The following CXADR variants were observed in gnomAD, a reference collection of about 807,000 sequenced individuals.
CXADR encodes the protein coxsackievirus and adenovirus receptor.
In CXADR, 20 loss-of-function variants were observed where a neutral mutation model predicts 40.3. That is an observed-to-expected ratio of 0.50 (90% CI 0.35 to 0.72). CXADR has a LOEUF of 0.72. Ranked by LOEUF, CXADR falls within the 30% of genes least tolerant of loss-of-function variation. The probability of loss-of-function intolerance (pLI) is 0.01; values close to 1 mark genes in which losing one functional copy is unlikely to be tolerated. For missense variants in CXADR, 332 were observed against 449.1 expected, an observed-to-expected ratio of 0.74 and a Z score of 2.36; for synonymous variants, 150 against 161.3, an observed-to-expected ratio of 0.93 and a Z score of 0.53.
the CXADR span, among the ~76,000 whole-genome samples, chr21:17,629,828 CAAAT>C: frequency 0.49 from 73,360 of 150,866 alleles, 18,906 homozygotes; most frequent in African/African-American, 0.66. Flanking sequence ...AACAAATAAG[CAAAT>C]AAATAAATAA....
At chr21:17,614,019 T>A in the CXADR span, 1 of 152,038 alleles carries the variant, frequency 6.6e-6, no homozygotes, top group East Asian at 1.9e-4. Flanking sequence ...ATCTTTGTTA[T>A]AGCCAATTAG....
the CXADR span, among the ~76,000 whole-genome samples, chr21:17,626,110 G>A: frequency 1.5e-4 from 23 of 152,050 alleles, no homozygotes; most frequent in Non-Finnish European, 2.5e-4. Flanking sequence ...CAGTCTTTTC[G>A]GTTTCCTATG....
the CXADR span, among the ~76,000 whole-genome samples, chr21:17,630,026 G>A: frequency 6.6e-6 from 1 of 152,166 alleles, no homozygotes; most frequent in Non-Finnish European, 1.5e-5. Flanking sequence ...CCAGGTGGGA[G>A]GTAAATGGGC....
rs1297196071 is a variant in CXADR at position 17,567,830 on chromosome 21, A to G, written c.*2138A>G. ...CCTATTGATCTAAGTAGAAGTTATC[A>G]TAGAAAGTGGACACGTATAAGACTT... is the stretch of plus-strand genomic sequence containing the variant. On this transcript the variant is annotated 3_prime_UTR_variant, in exon 7 of 7. Transcript: ENST00000284878. 1 of 962,300 alleles carries G rather than the reference A, an allele frequency of 1.0e-6. No individual in the cohort carries two copies. The highest frequency in any genetic ancestry group is 1.8e-5 in the African/African-American group (1 of 56,888). 59.6% of individuals were successfully genotyped at this position (962,300 alleles called of 1,614,324 possible).
chr21:17,620,927 C>T, the CXADR span, among the ~76,000 whole-genome samples: 1 of 152,168 alleles, frequency 6.6e-6, no homozygotes, highest in Non-Finnish European at 1.5e-5. Flanking sequence ...GTAACTCAGG[C>T]AAGAGTTGAA....
chr21:17,573,366 G>T (rs993764501), downstream of CXADR, among the ~76,000 whole-genome samples: 2 of 152,184 alleles, frequency 1.3e-5, no homozygotes, highest in Non-Finnish European at 2.9e-5. Flanking sequence ...ACCCGTAACA[G>T]TAATGATGAC....
chr21:17,595,582 A>C (rs1292353038), downstream of CXADR, among the ~76,000 whole-genome samples: 2 of 152,052 alleles, frequency 1.3e-5, no homozygotes, highest in Non-Finnish European at 2.9e-5. Context: ...ATATCAATAC[A>C]TAAAGATCCT....
intron 1 of CXADR, among the ~76,000 whole-genome samples, chr21:17,516,399 A>G (rs2060462466): frequency 1.3e-5 from 2 of 152,226 alleles, no homozygotes. Flanking sequence ...TTTTATTATT[A>G]GCTCTTTAAT....
rs1180346420 is a variant in CXADR, at chr21:17,560,761, A to C, written c.631A>C (p.Ser211Arg). The C allele has an allele frequency of 1.2e-6, 2 of 1,613,894 alleles. No individual in the cohort carries two copies. The highest frequency in any genetic ancestry group is 1.3e-5 in the African/African-American group (1 of 74,938). ...NASSEYSGTYSCTVRNRVGSD... is the reference protein window; with the variant it reads ...NASSEYSGTYRCTVRNRVGSD... ...CTCTTCTGAGTACTCTGGGACATAC[A>C]GCTGTACAGTCAGAAACAGAGTGGG... The change falls in exon 5 of 7, where the codon AGC becomes CGC. Residue 211 changes from serine (S) to arginine (R), a missense_variant. Coordinates refer to ENST00000284878, the MANE Select transcript of CXADR (RefSeq NM_001338.5).
rs35020228 is a variant in CXADR at position 17,563,940 on chromosome 21, CAAAAA to C, written c.834-1471_834-1467del. ...TGGGCAACAGAGCAAGACTCTGTCT[CAAAAA>C]AAAAAAAAAAAAAAAAGGTATTGAT... is the stretch of plus-strand genomic sequence containing the variant. On this transcript the variant is annotated intron_variant, in intron 6 of 6. Transcript: ENST00000284878. 3.2e-4 allele frequency among the ~76,000 whole-genome samples: 12 copies of C among 37,202 alleles called. 1 individual carries two copies. In the South Asian group the frequency reaches 4.0e-3, roughly 12 times the overall value. 24.4% of individuals were successfully genotyped at this position (37,202 alleles called of 152,430 possible). A position where few individuals can be genotyped will look rare whatever the true frequency, so the allele number is the denominator to read the frequency against.
At position 17,557,155 on chromosome 21, in the gene CXADR, G is replaced by A. The variant is rs563436138; in HGVS notation, c.416-1821G>A. ...AACTAAAAAAGAAAAAAGTCTTGACGTTTATCAGCCGGAAGGACAGATACA... is the reference window on the plus strand; with the variant it reads ...AACTAAAAAAGAAAAAAGTCTTGACATTTATCAGCCGGAAGGACAGATACA... On this transcript the variant is annotated intron_variant, in intron 3 of 6. Coordinates refer to ENST00000284878, the MANE Select transcript of CXADR (RefSeq NM_001338.5). Among the ~76,000 whole-genome samples the A allele has an allele frequency of 8.5e-5, 13 of 152,272 alleles. No individual in the cohort carries two copies. In the South Asian group the frequency reaches 1.0e-3, roughly 12 times the overall value.
At chr21:17,590,961 G>A (rs893274028) in intron 7 of CXADR, among the ~76,000 whole-genome samples, 3 of 152,004 alleles carry the variant, frequency 2.0e-5, no homozygotes, top group Non-Finnish European at 4.4e-5. Context: ...TGAGTAGTTT[G>A]TAACAAGAAA....
At chr21:17,539,150 G>A (rs1279287291) in intron 1 of CXADR, among the ~76,000 whole-genome samples, 6 of 152,254 alleles carry the variant, frequency 3.9e-5, no homozygotes, top group African/African-American at 9.6e-5. Context: ...AGTAGGTCAC[G>A]TCACTGAGAT....
At chr21:17,601,144 C>A in the CXADR span, among the ~76,000 whole-genome samples, 1 of 149,660 alleles carries the variant, frequency 6.7e-6, no homozygotes, top group East Asian at 2.0e-4. Context: ...GCCTGGGCGA[C>A]AGAGTGAGAC....
chr21:17,610,265 A>G, the CXADR span, among the ~76,000 whole-genome samples: 1 of 152,212 alleles, frequency 6.6e-6, no homozygotes, highest in Non-Finnish European at 1.5e-5. Flanking sequence ...TGGTTGTACA[A>G]CTTTGTGAAT....
chr21:17,613,500 G>A, the CXADR span: 1 of 152,322 alleles, frequency 6.6e-6, no homozygotes, highest in Admixed American at 6.5e-5. Flanking sequence ...TCCTAGTTGG[G>A]CCCTTCCCTG....
chr21:17,580,362 T>C (rs1159711955), intron 7 of CXADR, among the ~76,000 whole-genome samples: 1 of 152,184 alleles, frequency 6.6e-6, no homozygotes, highest in African/African-American at 2.4e-5. Context: ...CTAACACCTA[T>C]AATCCCGGCA....
the CXADR span, among the ~76,000 whole-genome samples, chr21:17,602,129 TG>T: frequency 1.3e-5 from 2 of 151,612 alleles, no homozygotes; most frequent in Non-Finnish European, 2.9e-5. Flanking sequence ...AACACTCTAT[TG>T]GGGGAAAAAA....
In CXADR at chr21:17,513,137, T is replaced by A; in HGVS notation, c.8T>A (p.Leu3His). MALLLCFVLLCGV... is the reference protein window; with the variant it reads MAHLLCFVLLCGV... ...CACGGCACGGCAGCCACCATGGCGCTCCTGCTGTGCTTCGTGCTCCTGTGC... is the reference window on the plus strand; with the variant it reads ...CACGGCACGGCAGCCACCATGGCGCACCTGCTGTGCTTCGTGCTCCTGTGC... Residue 3 changes from leucine to histidine, a missense_variant, in exon 1 of 7, where the codon CTC (leucine) becomes CAC (histidine). Leu to His is a moderately conservative substitution (Grantham distance 99, BLOSUM62 -3). Around this residue, in one of 3 missense-constraint regions of CXADR, gnomAD observed 162 missense variants for 198.5 expected, o/e 0.82. Coordinates refer to ENST00000284878, the MANE Select transcript of CXADR (RefSeq NM_001338.5). 3.7e-6 allele frequency: 5 copies of A among 1,365,986 alleles called. No homozygotes were observed. The Middle Eastern group carries it at 6.3e-4, about 172-fold the overall frequency. The allele number at this position is 1,365,986 out of a possible 1,614,324, so 84.6% of individuals were successfully genotyped here. A position where few individuals can be genotyped will look rare whatever the true frequency, so the allele number is the denominator to read the frequency against.
Sources: allele counts gnomAD v4.1 joint callset (sites outside exome capture counted in the v4.1 genomes callset), GRCh38; gene constraint gnomAD v4.1.1; regional missense constraint gnomAD v4.1.1; transcripts MANE v1.5; gene names NCBI Gene and HGNC (gene_info 2026-07-23, HGNC 2026-07-21).